LHX4: variants seen among roughly 807,000 people sequenced by gnomAD.
LHX4 encodes LIM/homeobox protein Lhx4.
Under a neutral mutation model 39.2 loss-of-function variants are expected in LHX4, and 16 were observed. The ratio of observed to expected loss-of-function variants is 0.41; its 90% CI spans 0.28 to 0.62. The LOEUF (loss-of-function observed/expected upper bound fraction) is 0.62, where lower values mean the gene tolerates loss of function less well. Ranked by LOEUF, LHX4 falls within the 20% of genes least tolerant of loss-of-function variation. The pLI, the probability that LHX4 is intolerant of heterozygous loss-of-function variation, is 0.33. For synonymous variants in LHX4, 206 were observed against 198.1 expected (o/e 1.04, Z -0.33); for missense variants, 439 against 511.9 (o/e 0.86, Z 1.37).
At chr1:180,263,222 C>G (rs1469857291) in intron 2 of LHX4, among the ~76,000 whole-genome samples, 1 of 152,222 alleles carries the variant, frequency 6.6e-6, no homozygotes, top group Non-Finnish European at 1.5e-5. Context: ...GCCGGGTTCA[C>G]AGTTTTACCT....
intron 1 of LHX4, among the ~76,000 whole-genome samples, chr1:180,240,076 A>G (rs1335312694): frequency 2.0e-5 from 3 of 152,214 alleles, no homozygotes; most frequent in African/African-American, 7.2e-5. Context: ...GAAGGCAGTT[A>G]AAAAGCAAAG....
intron 2 of LHX4, among the ~76,000 whole-genome samples, chr1:180,258,514 G>C (rs1647966866): frequency 6.6e-6 from 1 of 152,240 alleles, no homozygotes; most frequent in South Asian, 2.1e-4. Flanking sequence ...TGGCGACCAT[G>C]TGCAGAAGTG....
chr1:180,261,537 C>T lies in LHX4; in HGVS notation c.249-4855C>T, dbSNP rs537319424. ...GGGCATGGTGGCATGTGCCTGTGAT[C>T]CTAGCTGCTCAGGAGGCCGAGGTGG... On this transcript the variant is annotated intron_variant, in intron 2 of 5. Coordinates refer to ENST00000263726, the MANE Select transcript of LHX4 (RefSeq NM_033343.4). 4.6e-5 allele frequency among the ~76,000 whole-genome samples: 7 copies of T among 152,196 alleles called. No homozygotes were observed. In the South Asian group the frequency reaches 1.5e-3, roughly 32 times the overall value.
intron 3 of LHX4, 147 bp from the exon 4 acceptor site, chr1:180,271,233 C>CGAG (rs1648635745): frequency 2.3e-6 from 2 of 853,204 alleles, no homozygotes; most frequent in Non-Finnish European, 2.0e-6. Context: ...GAGTGGGGAC[C>CGAG]TCTCCACTCT....
intron 2 of LHX4, among the ~76,000 whole-genome samples, chr1:180,255,414 A>G (rs1224245482): frequency 6.6e-6 from 1 of 152,270 alleles, no homozygotes; most frequent in Non-Finnish European, 1.5e-5. Flanking sequence ...ACACATGCAC[A>G]CACACAGTGC....
In LHX4 at chr1:180,266,677, G is replaced by T; in HGVS notation, c.451+83G>T. 1 of 1,341,506 alleles carries T rather than the reference G, an allele frequency of 7.5e-7. No individual in the cohort carries two copies. Among genetic ancestry groups the T allele is most frequent in the Non-Finnish European group, 1.0e-6 (1 of 957,018 alleles). 83.1% of individuals were successfully genotyped at this position (1,341,506 alleles called of 1,614,324 possible). On this transcript the variant is annotated intron_variant, in intron 3 of 5. Coordinates refer to ENST00000263726, the MANE Select transcript of LHX4 (RefSeq NM_033343.4). The surrounding 1 kb of genome is among the most constrained non-coding windows in gnomAD (Gnocchi z 5.7). Reference sequence around the variant, plus strand: ...CTGCCTGAGGTGCCCTTCTCATGGCGTCCCACCTGCCCATCCCTCAGAGCC... The same window carrying T: ...CTGCCTGAGGTGCCCTTCTCATGGCTTCCCACCTGCCCATCCCTCAGAGCC...
At chr1:180,260,595 T>C (rs1231680172) in intron 2 of LHX4, among the ~76,000 whole-genome samples, 1 of 151,694 alleles carries the variant, frequency 6.6e-6, no homozygotes, top group Non-Finnish European at 1.5e-5. Context: ...AGCCGAGAAG[T>C]CTCAGCTCTT....
In LHX4 at chr1:180,271,484, G is replaced by C; in HGVS notation, c.556G>C (p.Val186Leu). The C allele has an allele frequency of 6.2e-7, 1 of 1,614,174 alleles. No individual in the cohort carries two copies. The highest frequency in any genetic ancestry group is 8.5e-7 in the Non-Finnish European group (1 of 1,180,032). ...GAACTCCCCCAAGCCTGCCCGGCAC[G>C]TGAGGGAGCAGCTGTCCTCAGAGAC... ...YKNSPKPARH[V>L]REQLSSETGL... The change falls in exon 4 of 6, where the codon GTG becomes CTG. Residue 186 changes from valine to leucine, a missense_variant. By Grantham distance (32) the Val-to-Leu change is conservative. Coordinates refer to ENST00000263726, the MANE Select transcript of LHX4 (RefSeq NM_033343.4).
chr1:180,240,146 C>A (rs954401917), intron 1 of LHX4, among the ~76,000 whole-genome samples: 3 of 152,332 alleles, frequency 2.0e-5, no homozygotes, highest in Non-Finnish European at 2.9e-5. Context: ...AAAGTACAAA[C>A]TTTACAAAAT....
intron 2 of LHX4, among the ~76,000 whole-genome samples, chr1:180,257,484 T>C (rs1647905976): frequency 6.6e-6 from 1 of 152,128 alleles, no homozygotes; most frequent in South Asian, 2.1e-4. Context: ...CTTCTCCAAA[T>C]AGGACCCCCG....
chr1:180,258,710 G>A (rs193280330), intron 2 of LHX4, among the ~76,000 whole-genome samples: 6 of 152,234 alleles, frequency 3.9e-5, no homozygotes, highest in East Asian at 1.9e-4. Flanking sequence ...AGGCTGAGGC[G>A]GGAGGATCTC....
intron 1 of LHX4, 54 bp from the exon 2 acceptor site, chr1:180,248,231 G>T: frequency 6.3e-7 from 1 of 1,594,386 alleles, no homozygotes. Flanking sequence ...GCCTGGCCTG[G>T]TTAGCAGGGC....
chr1:180,259,722 T>C (rs1648027280), intron 2 of LHX4, among the ~76,000 whole-genome samples: 2 of 151,390 alleles, frequency 1.3e-5, no homozygotes, highest in African/African-American at 4.9e-5. Flanking sequence ...GAGGGCAGGG[T>C]CCAGGGTGTG....
At position 180,232,060 on chromosome 1, in the gene LHX4, G is replaced by A. The variant is rs1664196419; in HGVS notation, c.76+1455G>A. ...TAAGATGTTTTCATAGAAGGCATTG[G>A]AGATTCACTACGCCCCACACCCCGC... On this transcript the variant is annotated intron_variant, in intron 1 of 5. Coordinates refer to ENST00000263726, the MANE Select transcript of LHX4 (RefSeq NM_033343.4). This position sits in a 1 kb window ranked among gnomAD's most constrained non-coding sequence, Gnocchi z 5.4. Among the ~76,000 whole-genome samples, 1 of 152,192 alleles carries A rather than the reference G, an allele frequency of 6.6e-6. No individual in the cohort carries two copies. The highest frequency in any genetic ancestry group is 6.5e-5 in the Admixed American group (1 of 15,286).
intron 1 of LHX4, among the ~76,000 whole-genome samples, chr1:180,235,579 G>A (rs2149252392): frequency 6.6e-6 from 1 of 152,376 alleles, no homozygotes. Flanking sequence ...GGCCGCCGGC[G>A]GGTGTGCCCG....
chr1:180,256,483 G>A (rs1021163661), intron 2 of LHX4, among the ~76,000 whole-genome samples: 8 of 152,184 alleles, frequency 5.3e-5, no homozygotes, highest in Non-Finnish European at 8.8e-5. Context: ...TCAGCCTGGG[G>A]GCCTCTCTCC....
At chr1:180,257,302 T>C (rs1647898179) in intron 2 of LHX4, among the ~76,000 whole-genome samples, 1 of 152,236 alleles carries the variant, frequency 6.6e-6, no homozygotes, top group African/African-American at 2.4e-5. Context: ...CATCTCAACA[T>C]GATAATATCG....
rs1472491341 is a variant in LHX4 at position 180,272,806 on chromosome 1, C to T, written c.778+800C>T. The T allele has an allele frequency of 2.0e-5, 3 of 152,220 alleles. No homozygotes were observed. In the East Asian group the frequency reaches 5.8e-4, roughly 29 times the overall value. The allele number at this position is 152,220 out of a possible 1,614,324, so 9.4% of individuals were successfully genotyped here. On this transcript the variant is annotated intron_variant, in intron 5 of 5. Coordinates refer to ENST00000263726, the MANE Select transcript of LHX4 (RefSeq NM_033343.4). ...AGCCCCAGTATTCCCAAGAGGAATA[C>T]CATATCTTTGCCCATCTCACTGCGT...
In LHX4 at chr1:180,232,181, G is replaced by A. The variant is rs763888658; in HGVS notation, c.76+1576G>A. ...GAGTCCTTAAGCTGCTTGTAGCTCT[G>A]CGCGAGTGAGGAGACTGCATGAGTG... On this transcript the variant is annotated intron_variant, in intron 1 of 5. Transcript: ENST00000263726. The surrounding 1 kb of genome is among the most constrained non-coding windows in gnomAD (Gnocchi z 5.4). Among the ~76,000 whole-genome samples, 3 of 152,186 alleles carry A rather than the reference G, an allele frequency of 2.0e-5. No individual in the cohort carries two copies. The highest frequency in any genetic ancestry group is 2.9e-5 in the Non-Finnish European group (2 of 68,040).
Sources: allele counts gnomAD v4.1 joint callset (sites outside exome capture counted in the v4.1 genomes callset), GRCh38; gene constraint gnomAD v4.1.1; non-coding constraint Gnocchi (gnomAD v3.1); transcripts MANE v1.5; gene names NCBI Gene and HGNC (gene_info 2026-07-23, HGNC 2026-07-21).